SLC2A9: variants seen among roughly 807,000 people sequenced by gnomAD.
SLC2A9 encodes solute carrier family 2, facilitated glucose transporter member 9.
In SLC2A9, 39 loss-of-function variants were observed where a neutral mutation model predicts 50.6. The ratio of observed to expected loss-of-function variants is 0.77; its 90% CI spans 0.60 to 1.01. SLC2A9 has a LOEUF of 1.01. Ranked by LOEUF, SLC2A9 falls within the 50% of genes least tolerant of loss-of-function variation. SLC2A9 has a pLI of 0.00. For missense variants in SLC2A9, 686 were observed against 677.6 expected, an observed-to-expected ratio of 1.01 and a Z score of -0.14; for synonymous variants, 324 against 276.9, an observed-to-expected ratio of 1.17 and a Z score of -1.69.
intron 5 of SLC2A9, among the ~76,000 whole-genome samples, chr4:9,978,567 A>G (rs892609847): frequency 2.0e-5 from 3 of 152,224 alleles, no homozygotes; most frequent in Non-Finnish European, 4.4e-5. Flanking sequence ...TATTTTGAGA[A>G]TTTTAAAATA....
At chr4:9,983,911 T>C (rs1238264006) in intron 4 of SLC2A9, among the ~76,000 whole-genome samples, 1 of 152,110 alleles carries the variant, frequency 6.6e-6, no homozygotes, top group Non-Finnish European at 1.5e-5. Flanking sequence ...TCTTCACCCT[T>C]AACCACTTTC....
At chr4:9,990,301 G>A (rs1474907483) in intron 3 of SLC2A9, among the ~76,000 whole-genome samples, 2 of 152,092 alleles carry the variant, frequency 1.3e-5, no homozygotes, top group Non-Finnish European at 2.9e-5. Context: ...TTCAAGCATC[G>A]AGCATTTTCC....
intron 6 of SLC2A9, among the ~76,000 whole-genome samples, chr4:9,931,962 C>CTATATATATATA (rs61538689): frequency 2.1e-3 from 30 of 14,570 alleles, no homozygotes; most frequent in African/African-American, 2.6e-3. Context: ...CTCTCTCTCT[C>CTATATATATATA]TATATATATA....
At chr4:9,982,976 C>T (rs1756132694) in intron 4 of SLC2A9, among the ~76,000 whole-genome samples, 1 of 152,192 alleles carries the variant, frequency 6.6e-6, no homozygotes, top group Non-Finnish European at 1.5e-5. Flanking sequence ...TCAAGTGGTT[C>T]TCCCACCTCA....
upstream of SLC2A9, among the ~76,000 whole-genome samples, chr4:10,024,875 A>G (rs1391088903): frequency 6.6e-6 from 1 of 152,366 alleles, no homozygotes; most frequent in Admixed American, 6.5e-5. Context: ...TGAAATGACT[A>G]CATCCCTTCC....
At chr4:9,794,091 G>T (rs1490892421), downstream of SLC2A9, among the ~76,000 whole-genome samples, 1 of 151,776 alleles carries the variant, frequency 6.6e-6, no homozygotes, top group Admixed American at 6.6e-5. Flanking sequence ...TCATTTACTA[G>T]AACTCATCCC....
At chr4:10,027,531 C>T (rs1311296306) in intron 1 of SLC2A9, among the ~76,000 whole-genome samples, 1 of 151,992 alleles carries the variant, frequency 6.6e-6, no homozygotes, top group Admixed American at 6.5e-5. Context: ...CCAGAACCAA[C>T]AGTCAATTTC....
At chr4:9,865,104 A>G (rs569376166) in intron 10 of SLC2A9, among the ~76,000 whole-genome samples, 15 of 152,366 alleles carry the variant, frequency 9.8e-5, no homozygotes, top group African/African-American at 3.4e-4. Context: ...TCCCAAGCCT[A>G]TGCTTCTTCC....
Position 9,887,564 on chromosome 4 carries a change from T to C in SLC2A9, c.1291+3A>G. The stretch of plus-strand genomic sequence containing the variant: ...GGGCAGTGGGGAGGGTGGGGTGCCT[T>C]ACCTGGCCCACTGCAGAAAGAGGCG... On this transcript the variant is annotated splice_donor_region_variant and intron_variant, in intron 10 of 11. Coordinates refer to ENST00000264784, the MANE Select transcript of SLC2A9 (RefSeq NM_020041.3). The C allele has an allele frequency of 6.4e-7, 1 of 1,559,010 alleles. No individual in the cohort carries two copies. The highest frequency in any genetic ancestry group is 1.4e-5 in the African/African-American group (1 of 73,254).
intron 2 of SLC2A9, among the ~76,000 whole-genome samples, chr4:10,013,998 A>T (rs1762199976): frequency 6.6e-6 from 1 of 152,148 alleles, no homozygotes; most frequent in Non-Finnish European, 1.5e-5. Context: ...CCAAAGCAGC[A>T]CTAATATCTG....
intron 2 of SLC2A9, among the ~76,000 whole-genome samples, chr4:10,001,344 G>A (rs1446724296): frequency 6.6e-6 from 1 of 152,202 alleles, no homozygotes; most frequent in Non-Finnish European, 1.5e-5. Flanking sequence ...GACAGGCACA[G>A]GAGGAAGATG....
chr4:9,816,837 A>G (rs1160563248), intron 3 of SLC2A9, among the ~76,000 whole-genome samples: 1 of 104,468 alleles, frequency 9.6e-6, no homozygotes, highest in African/African-American at 2.9e-5. Flanking sequence ...AAAAACGATG[A>G]CACGCACATA....
chr4:9,956,885 A>C (rs934912071), intron 5 of SLC2A9, among the ~76,000 whole-genome samples: 1 of 152,212 alleles, frequency 6.6e-6, no homozygotes, highest in African/African-American at 2.4e-5. Flanking sequence ...GGAATGCAAG[A>C]AATGGCAATG....
intron 1 of SLC2A9, among the ~76,000 whole-genome samples, chr4:10,036,433 C>T (rs1192425979): frequency 6.6e-6 from 1 of 152,312 alleles, no homozygotes; most frequent in Middle Eastern, 3.4e-3. Context: ...TTCAACCAAT[C>T]CATAAGGCCA....
In SLC2A9 at chr4:9,942,028, G is replaced by A. The variant is rs1018589564; in HGVS notation, c.699C>T (p.Tyr233=). 3 of 1,614,028 alleles carry A rather than the reference G, an allele frequency of 1.9e-6. No individual in the cohort carries two copies. The African/African-American group carries it at 4.0e-5, about 22-fold the overall frequency. ...CAGGGACCACAATCACTCCAAACAG[G>A]TATGGCCAGGTACTCTCCTGTGGGA... ...ELLGKESTWP[Y]LFGVIVVPAV... Residue 233 remains tyrosine, a synonymous_variant, in exon 6 of 12, where the codon TAC becomes TAT. Transcript: ENST00000264784.
chr4:9,888,774 C>T (rs902691320), intron 9 of SLC2A9, among the ~76,000 whole-genome samples: 6 of 152,040 alleles, frequency 3.9e-5, no homozygotes, highest in Admixed American at 1.3e-4. Flanking sequence ...GAGTGGAGGG[C>T]GAGGGGTACA....
intron 5 of SLC2A9, among the ~76,000 whole-genome samples, chr4:9,960,911 C>T (rs561961243): frequency 6.6e-6 from 1 of 152,272 alleles, no homozygotes; most frequent in African/African-American, 2.4e-5. Flanking sequence ...GGGATTAGGG[C>T]TTCATTTGGT....
chr4:9,777,584 T>C (rs1376658019), downstream of SLC2A9, among the ~76,000 whole-genome samples: 1 of 152,118 alleles, frequency 6.6e-6, no homozygotes. Context: ...CCTTTCTTGG[T>C]TGATTGAAAC....
chr4:9,866,623 C>G (rs1055848605), intron 10 of SLC2A9, among the ~76,000 whole-genome samples: 1 of 152,106 alleles, frequency 6.6e-6, no homozygotes, highest in African/African-American at 2.4e-5. Flanking sequence ...ACCTGGGATC[C>G]CAGGCAAAAT....
Sources: allele counts gnomAD v4.1 joint callset (sites outside exome capture counted in the v4.1 genomes callset), GRCh38; gene constraint gnomAD v4.1.1; transcripts MANE v1.5; gene names NCBI Gene and HGNC (gene_info 2026-07-23, HGNC 2026-07-21).